The following SLCO1A2 variants were observed in gnomAD, a reference collection of about 807,000 sequenced individuals.
SLCO1A2 encodes solute carrier organic anion transporter family member 1A2.
In SLCO1A2, 67 loss-of-function variants were observed where a neutral mutation model predicts 69.0. The observed-to-expected ratio is 0.97, with a 90% CI of 0.80 to 1.19. SLCO1A2 has a LOEUF of 1.19. SLCO1A2 is among the 50% of genes most tolerant of loss of function. The pLI is 0.00. For synonymous variants in SLCO1A2, 260 were observed against 265.9 expected (o/e 0.98, Z 0.22); for missense variants, 787 against 793.7 (o/e 0.99, Z 0.10).
rs546851814 is a variant in SLCO1A2, at chr12:21,376,528, T to A, written c.-189-2003A>T. Among the ~76,000 whole-genome samples, 201 of 152,222 alleles carry A rather than the reference T, an allele frequency of 1.3e-3. No individual in the cohort carries two copies. In the Middle Eastern group the frequency reaches 0.014, roughly 10 times the overall value. On this transcript the variant is annotated intron_variant, in intron 1 of 15. Transcript: ENST00000307378. ...GATTGATATAGGTTAAATAATTAGA[T>A]CCCAAAGTGGTTTTCTTTGCCCAGA...
At chr12:21,417,469 T>C (rs1485272067) in intron 1 of SLCO1A2, among the ~76,000 whole-genome samples, 8 of 149,152 alleles carry the variant, frequency 5.4e-5, no homozygotes, top group East Asian at 2.0e-4. Flanking sequence ...GGCCGTTACT[T>C]AGATTTTCTT....
chr12:21,362,153 A>G (rs1364270230), intron 2 of SLCO1A2, among the ~76,000 whole-genome samples: 1 of 152,170 alleles, frequency 6.6e-6, no homozygotes, highest in Admixed American at 6.5e-5. Flanking sequence ...GAGAAAGGTC[A>G]GGTTACCCAC....
exon 1 of SLCO1A2, chr12:21,417,899 G>C (rs1942013469): frequency 6.6e-6 from 1 of 152,166 alleles, no homozygotes; most frequent in African/African-American, 2.4e-5. Context: ...TCCAGTATTA[G>C]TTCAGAGGGG....
chr12:21,301,263 A>G lies in SLCO1A2; in HGVS notation c.596T>C (p.Val199Ala). The change falls in exon 7 of 15, where the codon GTA becomes GCA. Residue 199 changes from valine to alanine, a missense_variant. Coordinates refer to ENST00000683939, the MANE Select transcript of SLCO1A2 (RefSeq NM_001386879.1). ...FENSPLYIGL[V>A]ETGAIIGPLI... Reference sequence around the variant, plus strand: ...AGGACCAATAATAGCTCCTGTTTCTACAAGCCCTAAAAATAAATAAAAGTA... The same window carrying G: ...AGGACCAATAATAGCTCCTGTTTCTGCAAGCCCTAAAAATAAATAAAAGTA... 1 of 1,608,250 alleles carries G rather than the reference A, an allele frequency of 6.2e-7. No homozygotes were observed. Among genetic ancestry groups the G allele is most frequent in the Non-Finnish European group, 8.5e-7 (1 of 1,176,414 alleles).
intron 12 of SLCO1A2, among the ~76,000 whole-genome samples, chr12:21,277,431 A>G (rs949808295): frequency 2.6e-5 from 4 of 152,100 alleles, no homozygotes; most frequent in African/African-American, 9.7e-5. Context: ...GGTGAGACTC[A>G]GGTGTGCTGT....
upstream of SLCO1A2, chr12:21,419,586 C>G (rs181395564): frequency 4.9e-3 from 787 of 162,252 alleles, 19 homozygotes; most frequent in Admixed American, 0.039. Context: ...CGGAGTCTCG[C>G]TGATTGCTAG....
At chr12:21,323,144 G>A (rs550872204) in intron 2 of SLCO1A2, among the ~76,000 whole-genome samples, 1 of 152,140 alleles carries the variant, frequency 6.6e-6, no homozygotes, top group Non-Finnish European at 1.5e-5. Context: ...CAAAGGCCAG[G>A]TTACAAAACT....
intron 14 of SLCO1A2, chr12:21,273,950 A>T (rs1012888260): frequency 2.6e-5 from 4 of 152,236 alleles, no homozygotes; most frequent in Non-Finnish European, 5.9e-5. Context: ...AATAGAAATA[A>T]CAAAGAGTTT....
At chr12:21,374,304 G>A (rs147793988) in intron 2 of SLCO1A2, 14 of 152,344 alleles carry the variant, frequency 9.2e-5, no homozygotes, top group African/African-American at 2.6e-4. Context: ...AAATAACATA[G>A]TGAGGATTTG....
intron 2 of SLCO1A2, among the ~76,000 whole-genome samples, chr12:21,360,939 T>TG (rs1376332894): frequency 6.6e-6 from 1 of 152,128 alleles, no homozygotes; most frequent in Non-Finnish European, 1.5e-5. Flanking sequence ...TGCCTGCCTC[T>TG]GTAGACTCCA....
In SLCO1A2 at chr12:21,301,264, C is replaced by T; in HGVS notation, c.595G>A (p.Val199Ile). The change falls in exon 7 of 15, where the codon GTA (valine) becomes ATA (isoleucine). Residue 199 changes from valine to isoleucine, a missense_variant. Coordinates refer to ENST00000683939, the MANE Select transcript of SLCO1A2 (RefSeq NM_001386879.1). ...GGACCAATAATAGCTCCTGTTTCTACAAGCCCTAAAAATAAATAAAAGTAT... is the reference window on the plus strand; with the variant it reads ...GGACCAATAATAGCTCCTGTTTCTATAAGCCCTAAAAATAAATAAAAGTAT... ...FENSPLYIGL[V>I]ETGAIIGPLI... The T allele has an allele frequency of 1.2e-6, 2 of 1,607,944 alleles. No homozygotes were observed. The highest frequency in any genetic ancestry group is 8.5e-7 in the Non-Finnish European group (1 of 1,176,264).
At chr12:21,416,356 G>GCACACACA (rs3061424) in intron 1 of SLCO1A2, among the ~76,000 whole-genome samples, 213 of 146,994 alleles carry the variant, frequency 1.4e-3, no homozygotes, top group African/African-American at 4.9e-3. Context: ...AGAATCTCGG[G>GCACACACA]CACACACACA....
intron 2 of SLCO1A2, among the ~76,000 whole-genome samples, chr12:21,319,185 C>T (rs1030719079): frequency 1.3e-5 from 2 of 152,184 alleles, no homozygotes; most frequent in African/African-American, 4.8e-5. Flanking sequence ...TAGAAACAAA[C>T]AGTCATTCTA....
At chr12:21,310,592 T>A (rs1949996537) in intron 4 of SLCO1A2, among the ~76,000 whole-genome samples, 1 of 152,212 alleles carries the variant, frequency 6.6e-6, no homozygotes, top group Non-Finnish European at 1.5e-5. Flanking sequence ...TAGCACATAA[T>A]GCTGTTGTGT....
Position 21,300,578 on chromosome 12 carries a change from A to T in SLCO1A2, c.689-9T>A, listed in dbSNP as rs770308773. The T allele has an allele frequency of 1.3e-6, 2 of 1,583,218 alleles. No homozygotes were observed. Among genetic ancestry groups the T allele is most frequent in the South Asian group, 2.3e-5 (2 of 86,788 alleles). On this transcript the variant is annotated splice_polypyrimidine_tract_variant and intron_variant, in intron 7 of 14. Coordinates refer to ENST00000683939, the MANE Select transcript of SLCO1A2 (RefSeq NM_001386879.1). Reference sequence around the variant, plus strand: ...AGTTATGATCAGATCATCTGTAAAAAAATACACACACTGTTATTAGCTTAA... The same window carrying T: ...AGTTATGATCAGATCATCTGTAAAATAATACACACACTGTTATTAGCTTAA...
chr12:21,415,724 T>C (rs1221091873), intron 1 of SLCO1A2, among the ~76,000 whole-genome samples: 1 of 152,118 alleles, frequency 6.6e-6, no homozygotes, highest in Middle Eastern at 3.2e-3. Context: ...TCTTTGTTAG[T>C]CTTGAATTTC....
intron 2 of SLCO1A2, among the ~76,000 whole-genome samples, chr12:21,327,870 G>C (rs1249019003): frequency 6.6e-6 from 1 of 152,068 alleles, no homozygotes; most frequent in Non-Finnish European, 1.5e-5. Context: ...GAAATGTGCG[G>C]ACATGAGATT....
intron 1 of SLCO1A2, among the ~76,000 whole-genome samples, chr12:21,384,785 A>G (rs1940786753): frequency 7.6e-6 from 1 of 131,166 alleles, no homozygotes; most frequent in African/African-American, 2.9e-5. Context: ...TTTTTTTTTG[A>G]GTCGGAGTCT....
At chr12:21,395,922 A>G (rs1448918133), upstream of SLCO1A2, among the ~76,000 whole-genome samples, 4 of 151,136 alleles carry the variant, frequency 2.6e-5, no homozygotes, top group Admixed American at 2.6e-4. Context: ...AAAGATGGGG[A>G]AAAAACAGAA....
Sources: allele counts gnomAD v4.1 joint callset (sites outside exome capture counted in the v4.1 genomes callset), GRCh38; gene constraint gnomAD v4.1.1; transcripts MANE v1.5; gene names NCBI Gene and HGNC (gene_info 2026-07-23, HGNC 2026-07-21).